PPP2R2A: variants seen among roughly 807,000 people sequenced by gnomAD.
The protein encoded by PPP2R2A is protein phosphatase 2 regulatory subunit Balpha, also known as serine/threonine-protein phosphatase 2A 55 kDa regulatory subunit B alpha isoform.
A neutral mutation model predicts 53.2 loss-of-function variants in PPP2R2A; 9 were observed. The ratio of observed to expected loss-of-function variants is 0.17; its 90% CI spans 0.10 to 0.30. The LOEUF is 0.30. Ranked by LOEUF, PPP2R2A falls within the 10% of genes least tolerant of loss-of-function variation. The pLI, the probability that PPP2R2A is intolerant of heterozygous loss-of-function variation, is 1.00. For synonymous variants in PPP2R2A, 169 were observed against 174.2 expected (o/e 0.97, Z 0.23); for missense variants, 235 against 534.6 (o/e 0.44, Z 5.53).
chr8:26,343,431 G>T (rs1804052440), intron 3 of PPP2R2A, among the ~76,000 whole-genome samples: 2 of 150,994 alleles, frequency 1.3e-5, no homozygotes, highest in African/African-American at 4.9e-5. Context: ...GAGTGCAGTG[G>T]CGTGATCTCA....
At chr8:26,355,673 G>A (rs954431193) in intron 4 of PPP2R2A, among the ~76,000 whole-genome samples, 1 of 152,042 alleles carries the variant, frequency 6.6e-6, no homozygotes, top group South Asian at 2.1e-4. Context: ...GACCATCCTG[G>A]CTAACATGGT....
chr8:26,316,597 TAACAG>T (rs1485558521), intron 2 of PPP2R2A, among the ~76,000 whole-genome samples: 1 of 152,238 alleles, frequency 6.6e-6, no homozygotes, highest in Non-Finnish European at 1.5e-5. Context: ...GGGCTGCTGT[TAACAG>T]AATAGTACAG....
At chr8:26,318,323 A>G (rs1802663501) in intron 2 of PPP2R2A, among the ~76,000 whole-genome samples, 1 of 152,222 alleles carries the variant, frequency 6.6e-6, no homozygotes, top group Admixed American at 6.5e-5. Context: ...GTTACTGGAT[A>G]TTTCATACTA....
At chr8:26,335,248 A>G (rs919370410) in intron 2 of PPP2R2A, among the ~76,000 whole-genome samples, 1 of 152,166 alleles carries the variant, frequency 6.6e-6, no homozygotes, top group Non-Finnish European at 1.5e-5. Context: ...TTTATATGTC[A>G]TATTCCCAGT....
intron 3 of PPP2R2A, among the ~76,000 whole-genome samples, chr8:26,343,920 TC>T (rs1438269307): frequency 1.3e-5 from 2 of 152,116 alleles, no homozygotes; most frequent in Non-Finnish European, 2.9e-5. Flanking sequence ...GTGTACATTT[TC>T]CCCCCATCCA....
At chr8:26,305,572 A>G (rs567186143) in intron 2 of PPP2R2A, among the ~76,000 whole-genome samples, 2 of 152,294 alleles carry the variant, frequency 1.3e-5, no homozygotes, top group South Asian at 2.1e-4. Context: ...GTCAACAGGT[A>G]TCTGTTGAGT....
At chr8:26,342,882 T>G (rs1031242373) in intron 3 of PPP2R2A, among the ~76,000 whole-genome samples, 5 of 152,186 alleles carry the variant, frequency 3.3e-5, no homozygotes, top group African/African-American at 1.2e-4. Flanking sequence ...CTCAAAATGT[T>G]TGCATGTATT....
chr8:26,370,074 T>G lies in PPP2R2A; in HGVS notation c.1065-60T>G. 1 of 1,539,848 alleles carries G rather than the reference T, an allele frequency of 6.5e-7. No homozygotes were observed. Among genetic ancestry groups the G allele is most frequent in the Admixed American group, 1.8e-5 (1 of 54,956 alleles). On this transcript the variant is annotated intron_variant, in intron 9 of 9. Transcript: ENST00000380737. This position sits in a 1 kb window ranked among gnomAD's most constrained non-coding sequence, Gnocchi z 6.1. Reference sequence around the variant, plus strand: ...CCTATGGTTTAATTGCCGAATCATTTTACTTGAAAACAATTTCTTGTTCTG... The same window carrying G: ...CCTATGGTTTAATTGCCGAATCATTGTACTTGAAAACAATTTCTTGTTCTG...
chr8:26,334,670 G>A (rs1006256948), intron 2 of PPP2R2A, among the ~76,000 whole-genome samples: 12 of 152,044 alleles, frequency 7.9e-5, no homozygotes, highest in East Asian at 1.9e-4. Context: ...GCGTGAACCC[G>A]GGAGGCGGAG....
intron 2 of PPP2R2A, among the ~76,000 whole-genome samples, chr8:26,314,403 A>T (rs1033732719): frequency 2.0e-5 from 3 of 152,130 alleles, no homozygotes; most frequent in Non-Finnish European, 4.4e-5. Context: ...GATCATCATC[A>T]TCGTGGGAAT....
intron 2 of PPP2R2A, among the ~76,000 whole-genome samples, chr8:26,320,217 A>C (rs528114789): frequency 6.6e-6 from 1 of 151,876 alleles, no homozygotes; most frequent in African/African-American, 2.4e-5. Context: ...GTGGGTGTCA[A>C]CTCTCTTGTT....
intron 3 of PPP2R2A, among the ~76,000 whole-genome samples, chr8:26,341,470 A>G (rs751872929): frequency 4.6e-5 from 7 of 152,246 alleles, no homozygotes; most frequent in Admixed American, 6.5e-5. Context: ...TCACATGTAT[A>G]TATCTGTAAG....
chr8:26,363,962 T>G, intron 8 of PPP2R2A, 72 bp downstream of exon 8: 1 of 1,356,318 alleles, frequency 7.4e-7, no homozygotes, highest in South Asian at 1.8e-5. Flanking sequence ...AGGATTTTGT[T>G]ACTAGGTTTT....
chr8:26,307,922 T>C (rs1802097421), intron 2 of PPP2R2A, among the ~76,000 whole-genome samples: 1 of 152,202 alleles, frequency 6.6e-6, no homozygotes, highest in Admixed American at 6.5e-5. Flanking sequence ...ATGTACTATA[T>C]GTAAATGAAA....
chr8:26,305,033 G>A (rs1015870126), intron 2 of PPP2R2A, among the ~76,000 whole-genome samples: 1 of 151,880 alleles, frequency 6.6e-6, no homozygotes, highest in Non-Finnish European at 1.5e-5. Flanking sequence ...GAACTTTTTC[G>A]TCTTGCAAAA....
Position 26,370,493 on chromosome 8 carries a change from G to C in PPP2R2A, c.*80G>C. The C allele has an allele frequency of 6.7e-7, 1 of 1,496,016 alleles. No homozygotes were observed. Among genetic ancestry groups the C allele is most frequent in the Non-Finnish European group, 9.1e-7 (1 of 1,096,008 alleles). 92.7% of individuals were successfully genotyped at this position (1,496,016 alleles called of 1,614,324 possible). A position where few individuals can be genotyped will look rare whatever the true frequency, so the allele number is the denominator to read the frequency against. On this transcript the variant is annotated 3_prime_UTR_variant, in exon 10 of 10. Transcript: ENST00000380737. The surrounding 1 kb of genome is among the most constrained non-coding windows in gnomAD (Gnocchi z 6.1). ...CTAGCATTCGTTCCTATAAAAGAGAGAGGTCCATTGTGGCGCCCCTTTCCA... is the reference window on the plus strand; with the variant it reads ...CTAGCATTCGTTCCTATAAAAGAGACAGGTCCATTGTGGCGCCCCTTTCCA...
At chr8:26,359,581 A>G (rs752214533) in intron 4 of PPP2R2A, among the ~76,000 whole-genome samples, 6 of 152,196 alleles carry the variant, frequency 3.9e-5, no homozygotes, top group Middle Eastern at 3.2e-3. Flanking sequence ...TTGGGGATGT[A>G]TGCTTTTAAT....
intron 2 of PPP2R2A, among the ~76,000 whole-genome samples, chr8:26,319,745 A>G (rs1802740341): frequency 6.6e-6 from 1 of 152,160 alleles, no homozygotes; most frequent in Non-Finnish European, 1.5e-5. Flanking sequence ...TATTTATACA[A>G]AAAGTGCTTT....
intron 4 of PPP2R2A, among the ~76,000 whole-genome samples, chr8:26,357,000 G>T (rs1010111362): frequency 2.0e-5 from 3 of 152,154 alleles, no homozygotes; most frequent in African/African-American, 7.2e-5. Context: ...TTAATACTAA[G>T]TAAAATACAG....
Sources: allele counts gnomAD v4.1 joint callset (sites outside exome capture counted in the v4.1 genomes callset), GRCh38; gene constraint gnomAD v4.1.1; non-coding constraint Gnocchi (gnomAD v3.1); transcripts MANE v1.5; gene names NCBI Gene and HGNC (gene_info 2026-07-23, HGNC 2026-07-21).